Variants in THSD7A observed in about 807,000 individuals in gnomAD.
THSD7A encodes the protein thrombospondin type-1 domain-containing protein 7A.
In THSD7A, 96 loss-of-function variants were observed where a neutral mutation model predicts 231.3. The ratio of observed to expected loss-of-function variants is 0.41; its 90% CI spans 0.35 to 0.49. The LOEUF is 0.49. THSD7A is among the 20% of genes least tolerant of loss of function. The pLI, the probability that THSD7A is intolerant of heterozygous loss-of-function variation, is 0.05. For synonymous variants in THSD7A, 940 were observed against 743.3 expected (o/e 1.26, Z -4.30); for missense variants, 2,290 against 2,070.2 (o/e 1.11, Z -2.06).
chr7:11,821,101 T>A, intron 1 of THSD7A: 1 of 1,048,848 alleles, frequency 9.5e-7, no homozygotes, highest in South Asian at 1.3e-5. Flanking sequence ...GTCCTGTAAC[T>A]TGTTTTTGGC....
At chr7:11,772,188 T>A (rs1019409555) in intron 1 of THSD7A, among the ~76,000 whole-genome samples, 1 of 146,506 alleles carries the variant, frequency 6.8e-6, no homozygotes, top group African/African-American at 2.6e-5. Flanking sequence ...GTCAGAATTA[T>A]TATTATTAAA....
chr7:11,410,837 A>T (rs1334250499), intron 19 of THSD7A, among the ~76,000 whole-genome samples: 1 of 152,132 alleles, frequency 6.6e-6, no homozygotes, highest in Non-Finnish European at 1.5e-5. Flanking sequence ...CAACAAAGAG[A>T]ATAAATGATG....
rs761841418 is a variant in THSD7A at position 11,546,202 on chromosome 7, G to GCGCGCGCACACACACACACACACA, written c.1454-3086_1454-3085insTGTGTGTGTGTGTGTGTGCGCGCG. Among the ~76,000 whole-genome samples, 622 of 129,416 alleles carry GCGCGCGCACACACACACACACACA rather than the reference G, an allele frequency of 4.8e-3. 2 individuals are homozygous for GCGCGCGCACACACACACACACACA. The highest frequency in any genetic ancestry group is 6.7e-3 in the Non-Finnish European group (398 of 59,796). 84.9% of individuals were successfully genotyped at this position (129,416 alleles called of 152,430 possible). A position where few individuals can be genotyped will look rare whatever the true frequency, so the allele number is the denominator to read the frequency against. On this transcript the variant is annotated intron_variant, in intron 4 of 27. Transcript: ENST00000423059. ...TCTGTTGTTGCTGGTGTGGGCGCGC[G>GCGCGCGCACACACACACACACACA]CTCACACACACACACACACACACAC... is the stretch of plus-strand genomic sequence containing the variant.
intron 1 of THSD7A, among the ~76,000 whole-genome samples, chr7:11,679,385 A>C (rs577497413): frequency 1.3e-5 from 2 of 152,156 alleles, no homozygotes; most frequent in Non-Finnish European, 1.5e-5. Context: ...AAAGCATTCA[A>C]ATAGGAAAAT....
At chr7:11,378,825 T>A (rs1782385416) in intron 26 of THSD7A, 1 of 438,192 alleles carries the variant, frequency 2.3e-6, no homozygotes, top group Non-Finnish European at 4.1e-6. Context: ...TGGAATTGAA[T>A]TGAATTATAT....
In THSD7A at chr7:11,484,874, ATTTTTTTTTTTTTT is replaced by A. The variant is rs56353626; in HGVS notation, c.1823-2906_1823-2893del. Reference sequence around the variant, plus strand: ...CTCAACCCACTGAATCACAACCTTAATTTTTTTTTTTTTTTTTTTTTTTTTTTTTTTGTGGAGAC... The same window carrying A: ...CTCAACCCACTGAATCACAACCTTAATTTTTTTTTTTTTTTTTGTGGAGAC... On this transcript the variant is annotated intron_variant, in intron 6 of 27. Transcript: ENST00000423059. Among the ~76,000 whole-genome samples the A allele has an allele frequency of 6.1e-3, 329 of 53,830 alleles. 3 individuals carry two copies. The highest frequency in any genetic ancestry group is 0.024 in the African/African-American group (317 of 13,398). 35.3% of individuals were successfully genotyped at this position (53,830 alleles called of 152,430 possible). A position where few individuals can be genotyped will look rare whatever the true frequency, so the allele number is the denominator to read the frequency against.
At chr7:11,389,821 C>G (rs1458814258) in intron 23 of THSD7A, among the ~76,000 whole-genome samples, 1 of 152,152 alleles carries the variant, frequency 6.6e-6, no homozygotes, top group East Asian at 1.9e-4. Context: ...GTGACAAAAT[C>G]TCTCAGCATT....
chr7:11,458,981 C>T lies in THSD7A; in HGVS notation c.2605+1681G>A, dbSNP rs375137710. Among the ~76,000 whole-genome samples the T allele has an allele frequency of 3.3e-5, 5 of 152,238 alleles. No individual in the cohort carries two copies. The East Asian group carries it at 7.7e-4, about 24-fold the overall frequency. ...CCTTAAAGGGAGGAAATGAATCATC[C>T]AAGGTTGTGCAGCTTATACGTCATT... On this transcript the variant is annotated intron_variant, in intron 11 of 27. Coordinates refer to ENST00000423059, the MANE Select transcript of THSD7A (RefSeq NM_015204.3).
chr7:11,830,239 C>G (rs1785154695), intron 1 of THSD7A, among the ~76,000 whole-genome samples: 1 of 152,164 alleles, frequency 6.6e-6, no homozygotes, highest in Admixed American at 6.5e-5. Flanking sequence ...GTTGGCTGGG[C>G]TCTTTTCCAT....
At chr7:11,567,298 G>A (rs910063934) in intron 4 of THSD7A, among the ~76,000 whole-genome samples, 2 of 152,124 alleles carry the variant, frequency 1.3e-5, no homozygotes, top group Non-Finnish European at 2.9e-5. Flanking sequence ...CAAGTGCAGA[G>A]TAAAGGGGGA....
intron 1 of THSD7A, among the ~76,000 whole-genome samples, chr7:11,739,784 TCGTACCCTG>T (rs1204115275): frequency 6.6e-6 from 1 of 151,886 alleles, no homozygotes; most frequent in Admixed American, 6.6e-5. Flanking sequence ...CTTACACCTG[TCGTACCCTG>T]CTTTCCCCAG....
At chr7:11,652,241 A>G (rs948158105) in intron 1 of THSD7A, among the ~76,000 whole-genome samples, 2 of 151,332 alleles carry the variant, frequency 1.3e-5, no homozygotes, top group African/African-American at 4.9e-5. Context: ...CAGGCTGAAG[A>G]AAAAAAAAGA....
intron 7 of THSD7A, among the ~76,000 whole-genome samples, chr7:11,480,846 C>T (rs113197663): frequency 9.5e-4 from 144 of 152,158 alleles, no homozygotes; most frequent in Non-Finnish European, 1.8e-3. Context: ...AAAACTCCCC[C>T]CAAATCGATA....
chr7:11,639,541 C>T (rs1007084585), intron 1 of THSD7A, among the ~76,000 whole-genome samples: 5 of 151,896 alleles, frequency 3.3e-5, no homozygotes, highest in East Asian at 3.9e-4. Context: ...TGGTGGCGGG[C>T]GCTGTAGTCC....
In THSD7A at chr7:11,821,768, A is replaced by G. The variant is rs539892525; in HGVS notation, c.190+9989T>C. On this transcript the variant is annotated intron_variant, in intron 1 of 27. Transcript: ENST00000423059. ...GACATTTGAAAATTATTGTTCATAT[A>G]AGGGAACACATTTGTGCTTTTTCTC... Among the ~76,000 whole-genome samples the G allele has an allele frequency of 7.9e-5, 12 of 152,302 alleles. No individual in the cohort carries two copies. The South Asian group carries it at 1.7e-3, about 21-fold the overall frequency.
At chr7:11,591,027 C>A (rs1171290682) in intron 3 of THSD7A, among the ~76,000 whole-genome samples, 5 of 152,218 alleles carry the variant, frequency 3.3e-5, no homozygotes, top group Admixed American at 3.3e-4. Flanking sequence ...TGATGATGAA[C>A]CAAAACATTT....
rs112497027 is a variant in THSD7A at position 11,517,324 on chromosome 7, C to T, written c.1822+24095G>A. On this transcript the variant is annotated intron_variant, in intron 6 of 27. Transcript: ENST00000423059. ...TGAACTCCTGACCTCGTGATCCGCC[C>T]ACCTCGGCCTCCCAAAGTGCTGGGA... is the stretch of plus-strand genomic sequence containing the variant. Among the ~76,000 whole-genome samples, 20 of 152,076 alleles carry T rather than the reference C, an allele frequency of 1.3e-4. No homozygotes were observed. The East Asian group carries it at 2.3e-3, about 18-fold the overall frequency.
intron 8 of THSD7A, 134 bp from the exon 9 acceptor site, chr7:11,470,128 T>G: frequency 3.0e-6 from 2 of 660,984 alleles, no homozygotes; most frequent in South Asian, 3.3e-5. Flanking sequence ...CCAGGAGTCT[T>G]TCTTTCTGCT....
intron 1 of THSD7A, among the ~76,000 whole-genome samples, chr7:11,653,449 T>C (rs541094263): frequency 6.1e-3 from 20 of 3,294 alleles, no homozygotes; most frequent in African/African-American, 0.018. Context: ...CTCCCAGATA[T>C]GTGTGTGTGT....
Sources: gnomAD v4.1 joint callset for allele counts (sites outside exome capture counted in the v4.1 genomes callset) on GRCh38, gnomAD v4.1.1 for gene constraint, MANE v1.5 for transcripts, NCBI Gene and HGNC (gene_info 2026-07-23, HGNC 2026-07-21) for gene names.